Variants in SPON1 observed in about 807,000 individuals in gnomAD.
SPON1 encodes the protein spondin 1.
SPON1 carries 52 observed loss-of-function variants against 111.7 expected under a neutral mutation model. The ratio of observed to expected loss-of-function variants is 0.47; its 90% confidence interval spans 0.37 to 0.59. SPON1 has a LOEUF of 0.59. Ranked by LOEUF, SPON1 falls within the 20% of genes least tolerant of loss-of-function variation. SPON1 has a pLI of 0.00. For synonymous variants in SPON1, 410 were observed against 395.8 expected (o/e 1.04, Z -0.43); for missense variants, 957 against 1,068.5 (o/e 0.90, Z 1.46).
chr11:14,215,374 A>G (rs1848616305), intron 6 of SPON1, among the ~76,000 whole-genome samples: 4 of 152,170 alleles, frequency 2.6e-5, no homozygotes, highest in African/African-American at 9.7e-5. Flanking sequence ...TCAAATACAA[A>G]TGGGCTGGTG....
Position 14,221,747 on chromosome 11 carries a change from G to A in SPON1, c.826-21585G>A, listed in dbSNP as rs144674619. Among the ~76,000 whole-genome samples the A allele has an allele frequency of 5.3e-5, 8 of 152,220 alleles. No individual in the cohort carries two copies. In the South Asian group the frequency reaches 1.2e-3, roughly 24 times the overall value. ...CTCCCCCCATCTTCACAAGCGAAGG[G>A]CATTTGTTCTTCCACACCCCACATG... On this transcript the variant is annotated intron_variant, in intron 6 of 15. Transcript: ENST00000576479.
At chr11:14,148,374 G>A (rs1040952584) in intron 6 of SPON1, among the ~76,000 whole-genome samples, 4 of 152,234 alleles carry the variant, frequency 2.6e-5, no homozygotes, top group East Asian at 1.9e-4. Flanking sequence ...TGCGGAAAAC[G>A]AAGAGAGGGA....
chr11:13,963,094 C>T lies in SPON1; in HGVS notation c.190C>T (p.Arg64Cys), dbSNP rs367580081. 15 of 1,551,124 alleles carry T rather than the reference C, an allele frequency of 9.7e-6. No individual in the cohort carries two copies. In the African/African-American group the frequency reaches 2.0e-4, roughly 20 times the overall value. Residue 64 changes from arginine to cysteine, a missense_variant, in exon 1 of 16, where the codon CGC (arginine) becomes TGC (cysteine). Coordinates refer to ENST00000576479, the MANE Select transcript of SPON1 (RefSeq NM_006108.4). Reference protein sequence around the residue: ...RREGYTEFSLRVEGDPDFYKP... With the variant: ...RREGYTEFSLCVEGDPDFYKP... ...CGAGGGCTACACCGAGTTCAGCCTC[C>T]GCGTGGAGGGCGACCCCGACTTCTA...
intron 6 of SPON1, among the ~76,000 whole-genome samples, chr11:14,178,720 A>G (rs1051933428): frequency 2.0e-5 from 3 of 152,240 alleles, no homozygotes; most frequent in African/African-American, 7.2e-5. Flanking sequence ...AAAAAGCACT[A>G]AAGTGTCAAT....
At position 14,259,565 on chromosome 11, in the gene SPON1, C is replaced by T. The variant is rs782771906; in HGVS notation, c.1695C>T (p.Gly565=). The T allele has an allele frequency of 1.7e-5, 27 of 1,553,658 alleles. 2 individuals are homozygous for T. The South Asian group carries it at 2.4e-4, about 14-fold the overall frequency. Residue 565 remains glycine (G), a synonymous_variant, in exon 13 of 16, where the codon GGC becomes GGT. Transcript: ENST00000576479. The surrounding 1 kb of genome is among the most constrained non-coding windows in gnomAD (Gnocchi z 5.0). ...SPSSCLMTEW[G]EWDECSATCG... ...GCAGCTGCCTGATGACCGAGTGGGG[C>T]GAGTGGGACGAGTGCAGCGCCACCT...
At chr11:14,223,681 C>G (rs1303288936) in intron 6 of SPON1, among the ~76,000 whole-genome samples, 2 of 152,160 alleles carry the variant, frequency 1.3e-5, no homozygotes, top group African/African-American at 4.8e-5. Flanking sequence ...CTGTCTCCAC[C>G]CTTCTACCTC....
At chr11:14,244,654 A>T (rs1485426054) in intron 7 of SPON1, among the ~76,000 whole-genome samples, 1 of 151,636 alleles carries the variant, frequency 6.6e-6, no homozygotes, top group Admixed American at 6.6e-5. Context: ...AGGCTGAAGT[A>T]GGAGCATCGC....
intron 5 of SPON1, among the ~76,000 whole-genome samples, chr11:14,134,694 C>T (rs1847570285): frequency 6.6e-6 from 1 of 152,220 alleles, no homozygotes; most frequent in African/African-American, 2.4e-5. Context: ...TCCAGCTCTC[C>T]ACTCCAACTG....
intron 1 of SPON1, among the ~76,000 whole-genome samples, chr11:13,969,841 TC>T (rs1271598847): frequency 5.9e-5 from 9 of 152,206 alleles, no homozygotes; most frequent in Non-Finnish European, 8.8e-5. Flanking sequence ...CCTTCTAGTT[TC>T]CCTCCAGCAT....
chr11:14,057,176 A>G (rs1025838310), intron 3 of SPON1, among the ~76,000 whole-genome samples: 1 of 152,220 alleles, frequency 6.6e-6, no homozygotes, highest in African/African-American at 2.4e-5. Flanking sequence ...GAGAAAAGCA[A>G]GAACTTTAGA....
At chr11:14,158,106 G>C (rs1267339796) in intron 6 of SPON1, among the ~76,000 whole-genome samples, 1 of 152,086 alleles carries the variant, frequency 6.6e-6, no homozygotes, top group Admixed American at 6.6e-5. Context: ...CCTTCACAAA[G>C]ATTTGCTTCT....
chr11:14,245,578 G>T (rs1554940174), intron 7 of SPON1, among the ~76,000 whole-genome samples: 1 of 152,198 alleles, frequency 6.6e-6, no homozygotes, highest in African/African-American at 2.4e-5. Context: ...ATGGGGCTGT[G>T]CCTGGAAGGT....
chr11:13,980,035 T>C (rs541827295), intron 1 of SPON1, among the ~76,000 whole-genome samples: 2 of 151,114 alleles, frequency 1.3e-5, no homozygotes, highest in Admixed American at 6.6e-5. Context: ...GTGCTTTTTT[T>C]CCCCTCATTC....
chr11:14,016,686 A>G (rs1176945465), intron 2 of SPON1, among the ~76,000 whole-genome samples: 1 of 152,242 alleles, frequency 6.6e-6, no homozygotes, highest in Admixed American at 6.5e-5. Context: ...GTTTAATCTA[A>G]AATTAATACT....
chr11:14,119,175 T>C (rs1849286507), intron 5 of SPON1, among the ~76,000 whole-genome samples: 1 of 152,174 alleles, frequency 6.6e-6, no homozygotes, highest in African/African-American at 2.4e-5. Context: ...ATGATCTTAG[T>C]TGGACAAGCC....
At chr11:14,035,938 G>A (rs1207709325) in intron 2 of SPON1, among the ~76,000 whole-genome samples, 4 of 152,092 alleles carry the variant, frequency 2.6e-5, no homozygotes, top group Non-Finnish European at 5.9e-5. Flanking sequence ...CATTCTTACA[G>A]TGCACACTTA....
intron 2 of SPON1, among the ~76,000 whole-genome samples, chr11:14,035,014 T>C (rs1554916461): frequency 1.3e-5 from 2 of 152,222 alleles, no homozygotes; most frequent in African/African-American, 4.8e-5. Context: ...TTTGGAAACC[T>C]ACCCTCACGT....
At chr11:14,101,392 T>TC (rs1431471223) in intron 5 of SPON1, among the ~76,000 whole-genome samples, 2 of 152,020 alleles carry the variant, frequency 1.3e-5, no homozygotes, top group Non-Finnish European at 2.9e-5. Flanking sequence ...AGAGTAAGAC[T>TC]CCATCTCAAA....
chr11:14,257,858 G>A lies in SPON1; in HGVS notation c.1452G>A (p.Gln484=), dbSNP rs200013373. The change falls in exon 11 of 16, where the codon CAG becomes CAA. Residue 484 remains glutamine, a synonymous_variant. Coordinates refer to ENST00000576479, the MANE Select transcript of SPON1 (RefSeq NM_006108.4). The part of the protein sequence containing the change: ...LDLSVPCPDT[Q]DFQPCMGPGC... ...TCAGCGTCCCCTGCCCTGACACCCA[G>A]GACTTCCAGCCCTGCATGGGCCCTG... 1.8e-4 allele frequency: 290 copies of A among 1,582,328 alleles called. No individual in the cohort carries two copies. The highest frequency in any genetic ancestry group is 2.4e-4 in the Non-Finnish European group (280 of 1,164,980).
Sources: gnomAD v4.1 joint callset for allele counts (sites outside exome capture counted in the v4.1 genomes callset) on GRCh38, gnomAD v4.1.1 for gene constraint, Gnocchi (gnomAD v3.1) non-coding constraint, MANE v1.5 for transcripts, NCBI Gene and HGNC (gene_info 2026-07-23, HGNC 2026-07-21) for gene names.